The following ZNF532 variants were observed in gnomAD, a reference collection of about 807,000 sequenced individuals.
ZNF532 encodes zinc finger protein 532.
A neutral mutation model predicts 89.3 loss-of-function variants in ZNF532; 22 were observed. That is an observed-to-expected ratio of 0.25 (90% CI 0.18 to 0.35). The LOEUF is 0.35. Among genes scored for constraint, ZNF532 ranks in the 10% least tolerant of loss-of-function variants. The pLI is 1.00. For synonymous variants in ZNF532, 606 were observed against 649.6 expected (o/e 0.93, Z 1.02); for missense variants, 1,132 against 1,643.4 (o/e 0.69, Z 5.38).
chr18:58,874,776 G>A (rs1243981556), intron 2 of ZNF532, among the ~76,000 whole-genome samples: 4 of 152,194 alleles, frequency 2.6e-5, no homozygotes, highest in Non-Finnish European at 5.9e-5. Context: ...AAAACTTGAT[G>A]GTGAAAATAT....
chr18:58,917,120 A>G (rs1448608332), intron 2 of ZNF532, among the ~76,000 whole-genome samples: 1 of 151,182 alleles, frequency 6.6e-6, no homozygotes, highest in Non-Finnish European at 1.5e-5. Flanking sequence ...CTCTTCTCTC[A>G]CTCTCTTCTC....
chr18:58,905,270 G>A (rs998841803), intron 2 of ZNF532, among the ~76,000 whole-genome samples: 1 of 152,150 alleles, frequency 6.6e-6, no homozygotes, highest in Non-Finnish European at 1.5e-5. Context: ...GTTAAACACT[G>A]TACGAATTAC....
chr18:58,935,844 A>G (rs926474661), intron 4 of ZNF532, among the ~76,000 whole-genome samples: 2 of 150,264 alleles, frequency 1.3e-5, no homozygotes, highest in Admixed American at 1.3e-4. Context: ...ATATGCAGTG[A>G]TTTTTTTTTT....
intron 2 of ZNF532, among the ~76,000 whole-genome samples, chr18:58,877,012 A>T (rs2057482131): frequency 6.6e-6 from 1 of 152,038 alleles, no homozygotes; most frequent in Admixed American, 6.6e-5. Flanking sequence ...GTGAGCTAGG[A>T]TCACACTACT....
intron 7 of ZNF532, among the ~76,000 whole-genome samples, chr18:58,956,140 G>C (rs1026050871): frequency 1.3e-5 from 2 of 152,226 alleles, no homozygotes; most frequent in Non-Finnish European, 2.9e-5. Flanking sequence ...CAAAAAGGTT[G>C]GTGGGATGAA....
At chr18:58,981,329 C>T (rs768655690) in intron 8 of ZNF532, 141 bp from the exon 9 acceptor site, 59 of 1,064,574 alleles carry the variant, frequency 5.5e-5, no homozygotes, top group Middle Eastern at 3.2e-4. Flanking sequence ...TTGCTGATTG[C>T]GTGTTGAACC....
intron 2 of ZNF532, among the ~76,000 whole-genome samples, chr18:58,895,123 T>C (rs1407879335): frequency 6.6e-6 from 1 of 152,234 alleles, no homozygotes; most frequent in Non-Finnish European, 1.5e-5. Context: ...AAATTGTTGC[T>C]AAAGTTTGAC....
At chr18:58,863,384 C>T (rs1380061077), upstream of ZNF532, 7 of 146,252 alleles carry the variant, frequency 4.8e-5, no homozygotes, top group Non-Finnish European at 3.0e-5. Context: ...GGCCGGGCGT[C>T]GGCGCCCGCC....
At chr18:58,962,225 A>G (rs2851707) in intron 7 of ZNF532, among the ~76,000 whole-genome samples, 2 of 130,872 alleles carry the variant, frequency 1.5e-5, no homozygotes, top group African/African-American at 7.0e-5. Context: ...GACTCTGTCT[A>G]AAAAAAAAAA....
intron 2 of ZNF532, among the ~76,000 whole-genome samples, chr18:58,878,148 G>T (rs939056295): frequency 2.0e-5 from 3 of 152,114 alleles, no homozygotes; most frequent in Non-Finnish European, 4.4e-5. Flanking sequence ...CCAGCTACTC[G>T]GGAGGCTGAG....
intron 7 of ZNF532, chr18:58,954,332 A>ATAG: frequency 1.2e-6 from 1 of 865,460 alleles, no homozygotes; most frequent in African/African-American, 1.8e-5. Context: ...TCTCTTTTAA[A>ATAG]TAGTAAGTAT....
intron 7 of ZNF532, among the ~76,000 whole-genome samples, chr18:58,974,824 C>T (rs1451904337): frequency 2.6e-5 from 4 of 152,232 alleles, no homozygotes; most frequent in Non-Finnish European, 5.9e-5. Context: ...CCTCCACAAG[C>T]TCACTGCAGG....
At position 58,919,875 on chromosome 18, in the gene ZNF532, T is replaced by C; in HGVS notation, c.1588T>C (p.Leu530=). The C allele has an allele frequency of 4.3e-6, 7 of 1,613,954 alleles. No individual in the cohort carries two copies. The highest frequency in any genetic ancestry group is 5.9e-6 in the Non-Finnish European group (7 of 1,179,858). Residue 530 remains leucine (L), a synonymous_variant, in exon 3 of 10, where the codon TTG becomes CTG. Coordinates refer to ENST00000591808, the MANE Select transcript of ZNF532 (RefSeq NM_001375912.1). The surrounding 1 kb of genome is among the most constrained non-coding windows in gnomAD (Gnocchi z 6.1). ...KTVHLANLNL[L]PQGAQATSEL... The stretch of plus-strand genomic sequence containing the variant: ...TGTGCACCTTGCCAACCTTAACCTT[T>C]TGCCTCAGGGTGCCCAGGCCACCTC...
intron 2 of ZNF532, among the ~76,000 whole-genome samples, chr18:58,876,464 C>T (rs1438057281): frequency 6.6e-6 from 1 of 152,188 alleles, no homozygotes; most frequent in African/African-American, 2.4e-5. Flanking sequence ...GACTTACCCT[C>T]TAGCTTGGCA....
At chr18:58,945,244 C>T (rs532261631) in intron 5 of ZNF532, among the ~76,000 whole-genome samples, 20 of 152,316 alleles carry the variant, frequency 1.3e-4, no homozygotes, top group African/African-American at 4.8e-4. Flanking sequence ...TGGTCTGTCA[C>T]TGCACTGTCA....
intron 5 of ZNF532, among the ~76,000 whole-genome samples, chr18:58,942,369 T>A (rs183248497): frequency 1.1e-5 from 1 of 93,288 alleles, no homozygotes; most frequent in Admixed American, 1.2e-4. Context: ...CTTCCTTCCT[T>A]CCTTCCTTCC....
At chr18:58,915,628 G>T (rs2060548699) in intron 2 of ZNF532, among the ~76,000 whole-genome samples, 1 of 152,186 alleles carries the variant, frequency 6.6e-6, no homozygotes, top group Non-Finnish European at 1.5e-5. Context: ...CAGTACGGCT[G>T]CTGTGCATGC....
chr18:58,940,806 T>C (rs987052829), intron 5 of ZNF532, among the ~76,000 whole-genome samples: 6 of 152,126 alleles, frequency 3.9e-5, no homozygotes, highest in African/African-American at 1.4e-4. Flanking sequence ...TATCGCAACA[T>C]AGAGTTTGAT....
At position 58,919,927 on chromosome 18, in the gene ZNF532, C is replaced by T. The variant is rs2060901203; in HGVS notation, c.1640C>T (p.Pro547Leu). The change falls in exon 3 of 10, where the codon CCT becomes CTT. Residue 547 changes from proline to leucine, a missense_variant. This residue lies in a region of ZNF532 where 97 missense variants were observed against 143.7 expected (regional missense o/e 0.68). Transcript: ENST00000591808. The surrounding 1 kb of genome is among the most constrained non-coding windows in gnomAD (Gnocchi z 6.1). ...TSELRQVLTK[P>L]QQQIKQAIIN... ...GAACTCCGCCAAGTGCTAACCAAAC[C>T]TCAGCAACAAATAAAGCAGGCAATA... 6.2e-7 allele frequency: 1 copy of T among 1,613,870 alleles called. No individual in the cohort carries two copies. The highest frequency in any genetic ancestry group is 1.7e-5 in the Admixed American group (1 of 59,998).
Sources: allele counts gnomAD v4.1 joint callset (sites outside exome capture counted in the v4.1 genomes callset), GRCh38; gene constraint gnomAD v4.1.1; regional missense constraint gnomAD v4.1.1; non-coding constraint Gnocchi (gnomAD v3.1); transcripts MANE v1.5; gene names NCBI Gene and HGNC (gene_info 2026-07-23, HGNC 2026-07-21).